Variants in TMEM232 observed in about 807,000 individuals in gnomAD.
TMEM232 encodes the protein transmembrane protein 232.
In TMEM232, 80 loss-of-function variants were observed where a neutral mutation model predicts 78.8. The ratio of observed to expected loss-of-function variants is 1.01; its 90% confidence interval spans 0.85 to 1.22. The LOEUF is 1.22. Ranked by LOEUF, TMEM232 falls within the 50% of genes most tolerant of loss-of-function variation. TMEM232 has a pLI of 0.00. For synonymous variants in TMEM232, 297 were observed against 254.3 expected (o/e 1.17, Z -1.60); for missense variants, 881 against 742.2 (o/e 1.19, Z -2.17).
At chr5:110,424,396 T>C (rs1206329955) in intron 13 of TMEM232, among the ~76,000 whole-genome samples, 5 of 152,196 alleles carry the variant, frequency 3.3e-5, no homozygotes, top group African/African-American at 1.2e-4. Context: ...TAGTCTTGTA[T>C]TGCCACTGCT....
intron 2 of TMEM232, among the ~76,000 whole-genome samples, chr5:110,659,482 C>T (rs1789517166): frequency 6.6e-6 from 1 of 152,086 alleles, no homozygotes; most frequent in Non-Finnish European, 1.5e-5. Context: ...GAAGCTAATG[C>T]AAAGATTCAC....
chr5:110,515,468 A>G (rs1005119744), intron 12 of TMEM232, among the ~76,000 whole-genome samples: 4 of 145,606 alleles, frequency 2.7e-5, no homozygotes, highest in Admixed American at 1.3e-4. Context: ...AACTGAGCCA[A>G]AAACATTTCT....
intron 1 of TMEM232, among the ~76,000 whole-genome samples, chr5:110,717,467 T>C (rs932746069): frequency 3.3e-5 from 5 of 152,240 alleles, no homozygotes; most frequent in South Asian, 2.1e-4. Flanking sequence ...TCTGCTTCCA[T>C]CCCATCATAA....
intron 1 of TMEM232, among the ~76,000 whole-genome samples, chr5:110,668,371 G>A (rs1252580130): frequency 1.3e-5 from 2 of 152,140 alleles, no homozygotes; most frequent in East Asian, 3.9e-4. Flanking sequence ...CTAAGAGGGA[G>A]CCTGGAGGAT....
At chr5:110,492,354 T>A (rs1270780976) in intron 12 of TMEM232, among the ~76,000 whole-genome samples, 1 of 151,758 alleles carries the variant, frequency 6.6e-6, no homozygotes, top group Non-Finnish European at 1.5e-5. Flanking sequence ...ATTAGGAAAA[T>A]AAAACATCTT....
At chr5:110,437,027 A>G (rs1425225824) in intron 12 of TMEM232, among the ~76,000 whole-genome samples, 1 of 152,006 alleles carries the variant, frequency 6.6e-6, no homozygotes, top group Non-Finnish European at 1.5e-5. Context: ...ACTGATCTGT[A>G]GACTGCTTTG....
chr5:110,716,867 A>T (rs984385335), intron 1 of TMEM232, among the ~76,000 whole-genome samples: 2 of 152,196 alleles, frequency 1.3e-5, no homozygotes, highest in Non-Finnish European at 2.9e-5. Context: ...TTTTAAGGAC[A>T]CTAAGCACTG....
At chr5:110,503,842 T>A (rs1766554467) in intron 12 of TMEM232, among the ~76,000 whole-genome samples, 1 of 152,220 alleles carries the variant, frequency 6.6e-6, no homozygotes, top group Non-Finnish European at 1.5e-5. Context: ...TGACTGTGCA[T>A]AAAATGGAGC....
intron 12 of TMEM232, among the ~76,000 whole-genome samples, chr5:110,464,682 C>A (rs2149361144): frequency 6.6e-6 from 1 of 152,250 alleles, no homozygotes; most frequent in South Asian, 2.1e-4. Context: ...AAAGCTGTTC[C>A]ATGTAACAAC....
At chr5:110,406,801 A>T (rs1755809949) in intron 2 of TMEM232, among the ~76,000 whole-genome samples, 1 of 152,146 alleles carries the variant, frequency 6.6e-6, no homozygotes, top group African/African-American at 2.4e-5. Flanking sequence ...AGGTAATTTT[A>T]AGAATGTAAA....
intron 1 of TMEM232, among the ~76,000 whole-genome samples, chr5:110,725,234 T>C (rs1798037735): frequency 6.6e-6 from 1 of 152,216 alleles, no homozygotes. Flanking sequence ...CAAAAATAAG[T>C]AGGTTTGCAT....
At chr5:110,428,029 AT>A (rs1757431647) in intron 12 of TMEM232, among the ~76,000 whole-genome samples, 1 of 151,886 alleles carries the variant, frequency 6.6e-6, no homozygotes, top group African/African-American at 2.4e-5. Context: ...AAAATGTACA[AT>A]TAAGTTATTG....
Position 110,420,658 on chromosome 5 carries a change from T to G in TMEM232, c.1896A>C (p.Glu632Asp), listed in dbSNP as rs1029577085. The change falls in exon 14 of 14, where the codon GAA (glutamate) becomes GAC (aspartate). Residue 632 changes from glutamate (E) to aspartate (D), a missense_variant. Coordinates refer to ENST00000455884, the MANE Select transcript of TMEM232 (RefSeq NM_001039763.4). ...KKLAEKNHFQ[E>D]VMKKREEKLH... ...GTTTCTCTTCTCTTTTCTTCATAAC[T>G]TCTTGAAAGTGATTTTTCTCTGCTA... 3.3e-6 allele frequency: 5 copies of G among 1,526,942 alleles called. No individual in the cohort carries two copies. The highest frequency in any genetic ancestry group is 4.4e-6 in the Non-Finnish European group (5 of 1,144,038). 94.6% of individuals were successfully genotyped at this position (1,526,942 alleles called of 1,614,324 possible).
chr5:110,685,132 G>A lies in TMEM232; in HGVS notation c.-12-17768C>T, dbSNP rs541333253. Among the ~76,000 whole-genome samples the A allele has an allele frequency of 1.8e-4, 27 of 152,000 alleles. No homozygotes were observed. The South Asian group carries it at 3.3e-3, about 19-fold the overall frequency. On this transcript the variant is annotated intron_variant, in intron 1 of 13. Transcript: ENST00000455884. The stretch of plus-strand genomic sequence containing the variant: ...CTAGGTCACCTACGGCTCAAAAAAA[G>A]AAATAACAATGAAATTTGAAAAATA...
At chr5:110,695,025 A>C (rs1026149473) in intron 1 of TMEM232, among the ~76,000 whole-genome samples, 7 of 152,192 alleles carry the variant, frequency 4.6e-5, no homozygotes, top group African/African-American at 1.7e-4. Context: ...CACCACACCT[A>C]TTCCAAAATT....
intron 10 of TMEM232, among the ~76,000 whole-genome samples, chr5:110,604,064 G>C (rs1781260225): frequency 6.6e-6 from 1 of 151,902 alleles, no homozygotes; most frequent in South Asian, 2.1e-4. Flanking sequence ...TATCATAATT[G>C]CTTACCTATT....
intron 1 of TMEM232, among the ~76,000 whole-genome samples, chr5:110,701,762 A>C (rs953922284): frequency 3.3e-5 from 5 of 151,998 alleles, no homozygotes; most frequent in Non-Finnish European, 7.4e-5. Context: ...ATGCTGAGCT[A>C]AATTTTGAAG....
chr5:110,389,013 C>T (rs1025487579), intron 4 of TMEM232, among the ~76,000 whole-genome samples: 17 of 152,106 alleles, frequency 1.1e-4, no homozygotes, highest in African/African-American at 3.9e-4. Flanking sequence ...GTAATCCCAG[C>T]ACTTTGGGAA....
chr5:110,663,860 T>C (rs1330649558), intron 2 of TMEM232, among the ~76,000 whole-genome samples: 3 of 152,074 alleles, frequency 2.0e-5, no homozygotes, highest in Non-Finnish European at 4.4e-5. Context: ...TATACTTAGC[T>C]GGGCACAATG....
Sources: gnomAD v4.1 joint callset for allele counts (sites outside exome capture counted in the v4.1 genomes callset) on GRCh38, gnomAD v4.1.1 for gene constraint, MANE v1.5 for transcripts, NCBI Gene and HGNC (gene_info 2026-07-23, HGNC 2026-07-21) for gene names.